The following BCL2 variants were observed in gnomAD, a reference collection of about 807,000 sequenced individuals.
BCL2 encodes the protein BCL2 apoptosis regulator.
BCL2 carries 1 observed loss-of-function variant against 14.2 expected under a neutral mutation model. That is an observed-to-expected ratio of 0.07 (90% CI 0.02 to 0.33). The LOEUF is 0.33. BCL2 is among the 10% of genes least tolerant of loss of function. The pLI, the probability that BCL2 is intolerant of heterozygous loss-of-function variation, is 0.99. For missense variants in BCL2, 247 were observed against 305.9 expected, an observed-to-expected ratio of 0.81 and a Z score of 1.44; for synonymous variants, 151 against 137.2, an observed-to-expected ratio of 1.10 and a Z score of -0.70.
At chr18:63,174,081 C>T (rs1915292668) in intron 2 of BCL2, among the ~76,000 whole-genome samples, 1 of 152,138 alleles carries the variant, frequency 6.6e-6, no homozygotes, top group South Asian at 2.1e-4. Context: ...AAAGGATGCA[C>T]ACACACATCT....
At chr18:63,147,795 A>G (rs1207332304) in intron 2 of BCL2, among the ~76,000 whole-genome samples, 1 of 152,170 alleles carries the variant, frequency 6.6e-6, no homozygotes. Context: ...ACTTTTGATG[A>G]TAAGTTAATA....
chr18:63,163,699 C>A (rs545126072), intron 2 of BCL2, among the ~76,000 whole-genome samples: 52 of 152,318 alleles, frequency 3.4e-4, no homozygotes, highest in African/African-American at 1.2e-3. Flanking sequence ...GCACTGTGTA[C>A]AAGCACTGAT....
At chr18:63,172,953 A>G (rs1408757215) in intron 2 of BCL2, among the ~76,000 whole-genome samples, 2 of 152,258 alleles carry the variant, frequency 1.3e-5, no homozygotes, top group African/African-American at 4.8e-5. Flanking sequence ...CACTTGCACC[A>G]TAGCCTGCAT....
intron 2 of BCL2, among the ~76,000 whole-genome samples, chr18:63,218,089 C>T (rs1668738126): frequency 6.6e-6 from 1 of 152,176 alleles, no homozygotes; most frequent in African/African-American, 2.4e-5. Context: ...TTCTCTGCAT[C>T]GGTGGTGTGT....
intron 2 of BCL2, among the ~76,000 whole-genome samples, chr18:63,205,183 A>G (rs1041107793): frequency 2.0e-5 from 3 of 152,266 alleles, no homozygotes; most frequent in African/African-American, 4.8e-5. Context: ...ACTGACGATT[A>G]TAATTCTGCT....
At chr18:63,133,319 A>ATTT (rs34022610) in intron 2 of BCL2, among the ~76,000 whole-genome samples, 12,140 of 103,070 alleles carry the variant, frequency 0.12, 1,133 homozygotes, top group Admixed American at 0.15. Flanking sequence ...ACCTTCAAGA[A>ATTT]TTTTTTTTTT....
Position 63,266,487 on chromosome 18 carries a change from T to C in BCL2, c.585+51595A>G, listed in dbSNP as rs1295223436. ...GGCTCCTGTCACTGTATACACTTTG[T>C]ATTTTTTGAATTTTATAATATGTGC... On this transcript the variant is annotated intron_variant, in intron 2 of 2. Transcript: ENST00000333681. 2.6e-5 allele frequency among the ~76,000 whole-genome samples: 4 copies of C among 151,852 alleles called. No homozygotes were observed. In the East Asian group the frequency reaches 7.7e-4, roughly 29 times the overall value.
At chr18:63,232,096 A>G (rs7232512) in intron 2 of BCL2, among the ~76,000 whole-genome samples, 140,597 of 152,034 alleles carry the variant, frequency 0.92, 65,501 homozygotes, top group Non-Finnish European at 0.99. Context: ...GGTGGTTCGC[A>G]GACAACTGTT....
rs966042323 is a variant in BCL2, at chr18:63,149,535, G to A, written c.586-20776C>T. Among the ~76,000 whole-genome samples, 10 of 152,308 alleles carry A rather than the reference G, an allele frequency of 6.6e-5. No individual in the cohort carries two copies. The highest frequency in any genetic ancestry group is 4.4e-5 in the Non-Finnish European group (3 of 68,032). On this transcript the variant is annotated intron_variant, in intron 2 of 2. Transcript: ENST00000333681. The surrounding 1 kb of genome is among the most constrained non-coding windows in gnomAD (Gnocchi z 4.2). The stretch of plus-strand genomic sequence containing the variant: ...TGTTTCTCTTCTAGCCCAGGGAGAT[G>A]TCATTCTGTTACCCTCAACCCATGT...
At position 63,318,688 on chromosome 18, in the gene BCL2, G is replaced by A; in HGVS notation, c.-22C>T. 1.2e-6 allele frequency: 2 copies of A among 1,611,906 alleles called. No homozygotes were observed. Among genetic ancestry groups the A allele is most frequent in the East Asian group, 2.2e-5 (1 of 44,656 alleles). ...CCATCCTTCCCAGAGGAAAAGCAAC[G>A]GGGGCCAACGGCACCTCTCGCCCCA... On this transcript the variant is annotated 5_prime_UTR_variant, in exon 2 of 3. Transcript: ENST00000333681. The surrounding 1 kb of genome is among the most constrained non-coding windows in gnomAD (Gnocchi z 7.4).
At chr18:63,179,015 A>C (rs1160425478) in intron 2 of BCL2, among the ~76,000 whole-genome samples, 2 of 152,220 alleles carry the variant, frequency 1.3e-5, no homozygotes, top group African/African-American at 4.8e-5. Flanking sequence ...GCAATTTAAA[A>C]AATAATAATA....
At chr18:63,169,298 TTC>T (rs1915139400) in intron 2 of BCL2, among the ~76,000 whole-genome samples, 1 of 86,996 alleles carries the variant, frequency 1.1e-5, no homozygotes, top group Non-Finnish European at 2.2e-5. Context: ...CTTTCTTTCT[TTC>T]TTTCTTTCTT....
chr18:63,225,539 A>G (rs777157459), intron 2 of BCL2, among the ~76,000 whole-genome samples: 2 of 152,254 alleles, frequency 1.3e-5, no homozygotes, highest in Non-Finnish European at 2.9e-5. Context: ...GAACCAGCAC[A>G]TAAGTAAATA....
At chr18:63,246,218 G>A (rs545396177) in intron 2 of BCL2, among the ~76,000 whole-genome samples, 188 of 152,332 alleles carry the variant, frequency 1.2e-3, no homozygotes, top group African/African-American at 4.3e-3. Flanking sequence ...AGGTCATTCA[G>A]TGGGAGAGGA....
intron 2 of BCL2, among the ~76,000 whole-genome samples, chr18:63,264,562 C>T (rs1911760574): frequency 6.6e-6 from 1 of 152,208 alleles, no homozygotes; most frequent in African/African-American, 2.4e-5. Context: ...CAGGAAATCA[C>T]AGCCCGATTC....
At position 63,309,417 on chromosome 18, in the gene BCL2, G is replaced by A. The variant is rs76393382; in HGVS notation, c.585+8665C>T. On this transcript the variant is annotated intron_variant, in intron 2 of 2. Transcript: ENST00000333681. Reference sequence around the variant, plus strand: ...ACATGTACGCCACAAAGCAGTAACTGTTGTTATCTTTCCTTTCCCTCTGGA... The same window carrying A: ...ACATGTACGCCACAAAGCAGTAACTATTGTTATCTTTCCTTTCCCTCTGGA... Among the ~76,000 whole-genome samples the A allele has an allele frequency of 0.016, 2,463 of 152,304 alleles. 178 individuals are homozygous for A. In the East Asian group the frequency reaches 0.18, roughly 11 times the overall value.
intron 2 of BCL2, among the ~76,000 whole-genome samples, chr18:63,306,680 T>C: frequency 6.6e-6 from 1 of 152,206 alleles, no homozygotes; most frequent in Non-Finnish European, 1.5e-5. Flanking sequence ...ATGCCACCAC[T>C]ATTGCTGCAT....
intron 2 of BCL2, among the ~76,000 whole-genome samples, chr18:63,240,592 G>A (rs1354905366): frequency 6.6e-6 from 1 of 152,202 alleles, no homozygotes; most frequent in African/African-American, 2.4e-5. Flanking sequence ...TTCCATGAAG[G>A]AAATTAGCCT....
rs762163340 is a variant in BCL2 at position 63,123,893 on chromosome 18, AG to A, written c.*4731del. On this transcript the variant is annotated 3_prime_UTR_variant, in exon 3 of 3. Coordinates refer to ENST00000333681, the MANE Select transcript of BCL2 (RefSeq NM_000633.3). The stretch of plus-strand genomic sequence containing the variant: ...TGGATTTACTCAGTATCTACACTAC[AG>A]TCTTATTTATTAATAGTCTCAGAAT... The A allele has an allele frequency of 4.6e-6, 1 of 218,748 alleles. No homozygotes were observed. Among genetic ancestry groups the A allele is most frequent in the Non-Finnish European group, 9.2e-6 (1 of 108,922 alleles). 13.6% of individuals were successfully genotyped at this position (218,748 alleles called of 1,614,324 possible). A position where few individuals can be genotyped will look rare whatever the true frequency, so the allele number is the denominator to read the frequency against.
Sources: gnomAD v4.1 joint callset for allele counts (sites outside exome capture counted in the v4.1 genomes callset) on GRCh38, gnomAD v4.1.1 for gene constraint, Gnocchi (gnomAD v3.1) non-coding constraint, MANE v1.5 for transcripts, NCBI Gene and HGNC (gene_info 2026-07-23, HGNC 2026-07-21) for gene names.